VPS13D: variants seen among roughly 807,000 people sequenced by gnomAD.
VPS13D encodes intermembrane lipid transfer protein VPS13D.
A neutral mutation model predicts 461.9 loss-of-function variants in VPS13D; 187 were observed. The observed-to-expected ratio is 0.40, with a 90% CI of 0.36 to 0.46. VPS13D has a LOEUF of 0.46. Ranked by LOEUF, VPS13D falls within the 20% of genes least tolerant of loss-of-function variation. VPS13D has a pLI of 0.60. For synonymous variants in VPS13D, 1,951 were observed against 1,986.3 expected (o/e 0.98, Z 0.47); for missense variants, 4,711 against 5,364.9 (o/e 0.88, Z 3.81).
At chr1:12,253,290 T>C (rs1280400843) in intron 6 of VPS13D, among the ~76,000 whole-genome samples, 2 of 152,200 alleles carry the variant, frequency 1.3e-5, no homozygotes, top group Non-Finnish European at 2.9e-5. Context: ...GCAAATACTA[T>C]GCCTTTTTAA....
chr1:12,338,554 A>G (rs906597392), intron 40 of VPS13D, among the ~76,000 whole-genome samples: 1 of 152,168 alleles, frequency 6.6e-6, no homozygotes, highest in African/African-American at 2.4e-5. Context: ...TGTATGATGC[A>G]GAAATATGTT....
Position 12,349,212 on chromosome 1 carries a change from C to T in VPS13D, c.9269C>T (p.Pro3090Leu). 6.2e-7 allele frequency: 1 copy of T among 1,614,162 alleles called. No individual in the cohort carries two copies. The highest frequency in any genetic ancestry group is 8.5e-7 in the Non-Finnish European group (1 of 1,180,036). Residue 3090 changes from proline (P) to leucine (L), a missense_variant, in exon 46 of 70, where the codon CCT (proline) becomes CTT (leucine). Around this residue, in one of 3 missense-constraint regions of VPS13D, gnomAD observed 4,411 missense variants for 4,937.8 expected, o/e 0.89. Coordinates refer to ENST00000620676, the MANE Select transcript of VPS13D (RefSeq NM_015378.4). ...ATGCCAGGGGATTCGTTTGCTGTGC[C>T]TTTACACCTCACTTCTTGGCGGCTA... ...AIMPGDSFAV[P>L]LHLTSWRLQA... is the part of the protein sequence containing the mutation.
intron 67 of VPS13D, among the ~76,000 whole-genome samples, chr1:12,496,128 C>CT (rs1362838320): frequency 6.6e-6 from 1 of 152,218 alleles, no homozygotes; most frequent in Non-Finnish European, 1.5e-5. Context: ...GTTTTTTACT[C>CT]TTTCCCTTAG....
chr1:12,372,369 T>G (rs969601575), intron 54 of VPS13D, among the ~76,000 whole-genome samples: 3 of 152,060 alleles, frequency 2.0e-5, no homozygotes, highest in East Asian at 1.9e-4. Flanking sequence ...GGCCTGGTTT[T>G]GTTTTGTTTT....
At chr1:12,261,517 A>G (rs1165764994) in intron 12 of VPS13D, among the ~76,000 whole-genome samples, 1 of 152,244 alleles carries the variant, frequency 6.6e-6, no homozygotes, top group Non-Finnish European at 1.5e-5. Flanking sequence ...GAATACAAGT[A>G]AAAATTTAGT....
intron 65 of VPS13D, among the ~76,000 whole-genome samples, chr1:12,441,807 A>G (rs1476749777): frequency 6.6e-6 from 1 of 152,216 alleles, no homozygotes; most frequent in East Asian, 1.9e-4. Flanking sequence ...TTGGTCATCT[A>G]AAGTCTATGT....
chr1:12,418,659 CG>C (rs1644825517), intron 65 of VPS13D, among the ~76,000 whole-genome samples: 1 of 152,064 alleles, frequency 6.6e-6, no homozygotes, highest in Non-Finnish European at 1.5e-5. Flanking sequence ...TAAGGTATGA[CG>C]TTACAAAAAT....
intron 39 of VPS13D, chr1:12,336,781 G>C (rs1469039149): frequency 6.6e-6 from 1 of 152,184 alleles, no homozygotes; most frequent in Non-Finnish European, 1.5e-5. Flanking sequence ...CATTACTTAG[G>C]AGCCAGGGCT....
chr1:12,490,028 T>G (rs1437061781), intron 67 of VPS13D, among the ~76,000 whole-genome samples: 1 of 152,208 alleles, frequency 6.6e-6, no homozygotes, highest in Non-Finnish European at 1.5e-5. Context: ...TTGTTGCCAT[T>G]TCTGTTCATC....
chr1:12,463,581 T>C (rs1252618253), intron 67 of VPS13D, among the ~76,000 whole-genome samples: 1 of 151,272 alleles, frequency 6.6e-6, no homozygotes, highest in Non-Finnish European at 1.5e-5. Context: ...TGCCCCCATC[T>C]CTTACAAAAA....
intron 65 of VPS13D, among the ~76,000 whole-genome samples, chr1:12,452,042 A>T (rs1213172466): frequency 6.6e-6 from 1 of 152,182 alleles, no homozygotes; most frequent in Non-Finnish European, 1.5e-5. Context: ...GTCAAAATTC[A>T]AACTCAGGTG....
intron 67 of VPS13D, among the ~76,000 whole-genome samples, chr1:12,483,080 G>A: frequency 6.6e-6 from 1 of 152,160 alleles, no homozygotes; most frequent in Admixed American, 6.5e-5. Flanking sequence ...CTGGATTTAA[G>A]GGTGTGTATA....
chr1:12,261,453 G>C (rs1287101700), intron 12 of VPS13D, among the ~76,000 whole-genome samples: 3 of 152,218 alleles, frequency 2.0e-5, no homozygotes, highest in Non-Finnish European at 2.9e-5. Flanking sequence ...TAAACCTGCA[G>C]TGTCCGATAT....
chr1:12,483,147 C>T (rs1645746966), intron 67 of VPS13D, among the ~76,000 whole-genome samples: 1 of 152,196 alleles, frequency 6.6e-6, no homozygotes, highest in Non-Finnish European at 1.5e-5. Flanking sequence ...ACAATTTGTA[C>T]TCCCACCCAC....
intron 65 of VPS13D, among the ~76,000 whole-genome samples, chr1:12,448,823 C>T (rs1412565663): frequency 6.6e-6 from 1 of 152,152 alleles, no homozygotes; most frequent in East Asian, 1.9e-4. Flanking sequence ...TGCTTCAAAC[C>T]ACTCTGAGCT....
In VPS13D at chr1:12,276,659, A is replaced by G. The variant is rs1181243238; in HGVS notation, c.3071A>G (p.Lys1024Arg). The change falls in exon 19 of 70, where the codon AAG becomes AGG. Residue 1024 changes from lysine (K) to arginine (R), a missense_variant. By Grantham distance (26) the Lys-to-Arg change is conservative. This residue lies in a region of VPS13D where 4,411 missense variants were observed against 4,937.8 expected (regional missense o/e 0.89). Coordinates refer to ENST00000620676, the MANE Select transcript of VPS13D (RefSeq NM_015378.4). The surrounding 1 kb of genome is among the most constrained non-coding windows in gnomAD (Gnocchi z 4.5). ...TTTGACCTTTTGATGGCTTCACATAAGAACTTGAGCTTTGATATTCCAACG... is the reference window on the plus strand; with the variant it reads ...TTTGACCTTTTGATGGCTTCACATAGGAACTTGAGCTTTGATATTCCAACG... ...ADFDLLMASH[K>R]NLSFDIPTGS... 1.9e-6 allele frequency: 3 copies of G among 1,614,148 alleles called. No individual in the cohort carries two copies. The highest frequency in any genetic ancestry group is 2.7e-5 in the African/African-American group (2 of 75,036).
intron 65 of VPS13D, among the ~76,000 whole-genome samples, chr1:12,447,792 G>A (rs1316777661): frequency 6.6e-6 from 1 of 152,314 alleles, no homozygotes; most frequent in East Asian, 1.9e-4. Context: ...TGTAAGAATG[G>A]AGGTCTTGTG....
chr1:12,280,011 A>G (rs1235795302), intron 20 of VPS13D, among the ~76,000 whole-genome samples: 1 of 152,182 alleles, frequency 6.6e-6, no homozygotes, highest in South Asian at 2.1e-4. Flanking sequence ...CCAGTGAAAC[A>G]TTGTGATCAT....
chr1:12,464,017 C>G (rs1002357543), intron 67 of VPS13D, among the ~76,000 whole-genome samples: 2 of 152,136 alleles, frequency 1.3e-5, no homozygotes, highest in Non-Finnish European at 2.9e-5. Flanking sequence ...ATTAAAGGAG[C>G]GCAGAGATCC....
Sources: gnomAD v4.1 joint callset for allele counts (sites outside exome capture counted in the v4.1 genomes callset) on GRCh38, gnomAD v4.1.1 for gene constraint, gnomAD v4.1.1 regional missense constraint, Gnocchi (gnomAD v3.1) non-coding constraint, MANE v1.5 for transcripts, NCBI Gene and HGNC (gene_info 2026-07-23, HGNC 2026-07-21) for gene names.